The following NOP58 variants were observed in gnomAD, a reference collection of about 807,000 sequenced individuals.
NOP58 encodes nucleolar protein 58.
Under a neutral mutation model 71.2 loss-of-function variants are expected in NOP58, and 44 were observed. The observed-to-expected ratio is 0.62, with a 90% CI of 0.49 to 0.79. The LOEUF (loss-of-function observed/expected upper bound fraction) is 0.79, where lower values mean the gene tolerates loss of function less well. Among genes scored for constraint, NOP58 ranks in the 30% least tolerant of loss-of-function variants. The probability of loss-of-function intolerance (pLI) is 0.00; values close to 1 mark genes in which losing one functional copy is unlikely to be tolerated. For synonymous variants in NOP58, 228 were observed against 200.3 expected (o/e 1.14, Z -1.17); for missense variants, 538 against 620.2 (o/e 0.87, Z 1.41).
chr2:202,297,936 A>G, intron 12 of NOP58, 30 bp downstream of exon 12: 2 of 1,355,496 alleles, frequency 1.5e-6, no homozygotes, highest in Non-Finnish European at 2.0e-6. Context: ...GATGGGGTGA[A>G]TAGTTTTTTT....
At chr2:202,272,293 C>T (rs1036057357) in intron 1 of NOP58, among the ~76,000 whole-genome samples, 19 of 151,790 alleles carry the variant, frequency 1.3e-4, no homozygotes, top group African/African-American at 4.6e-4. Context: ...GCTGGAACTA[C>T]AGGCGCCTTC....
intron 13 of NOP58, among the ~76,000 whole-genome samples, chr2:202,301,823 T>A (rs1172930643): frequency 6.6e-6 from 1 of 152,194 alleles, no homozygotes; most frequent in African/African-American, 2.4e-5. Flanking sequence ...TGCCGACCAT[T>A]CTGCCTAAAA....
intron 3 of NOP58, among the ~76,000 whole-genome samples, chr2:202,280,159 C>A (rs1688676367): frequency 6.6e-6 from 1 of 152,130 alleles, no homozygotes; most frequent in East Asian, 1.9e-4. Context: ...AGAACCACAA[C>A]TAAATGGCTG....
chr2:202,297,463 G>A lies in NOP58; in HGVS notation c.1156G>A (p.Glu386Lys). 6.2e-7 allele frequency: 1 copy of A among 1,613,976 alleles called. No homozygotes were observed. Among genetic ancestry groups the A allele is most frequent in the Non-Finnish European group, 8.5e-7 (1 of 1,179,918 alleles). The part of the protein sequence containing the change: ...GEDSSSAMGV[E>K]NRAKLEARLR... The stretch of plus-strand genomic sequence containing the variant: ...GGATTCAAGTTCTGCAATGGGAGTT[G>A]AGAACAGAGCCAAATTAGAGGCCAG... The change falls in exon 11 of 15, where the codon GAG becomes AAG. Residue 386 changes from glutamate (E) to lysine (K), a missense_variant. By Grantham distance (56) the Glu-to-Lys change is moderately conservative. Transcript: ENST00000264279.
At chr2:202,276,361 C>G (rs1301746427) in intron 2 of NOP58, 1 of 282,684 alleles carries the variant, frequency 3.5e-6, no homozygotes, top group Non-Finnish European at 7.5e-6. Flanking sequence ...AAAAAGATGA[C>G]ACTGTTTTAG....
chr2:202,294,983 A>G (rs1351725648), intron 9 of NOP58, among the ~76,000 whole-genome samples: 1 of 151,704 alleles, frequency 6.6e-6, no homozygotes, highest in Non-Finnish European at 1.5e-5. Flanking sequence ...AAAAAAATGC[A>G]AGCATAACTA....
intron 4 of NOP58, among the ~76,000 whole-genome samples, chr2:202,283,281 G>A (rs1304201074): frequency 6.6e-6 from 1 of 151,946 alleles, no homozygotes; most frequent in Non-Finnish European, 1.5e-5. Flanking sequence ...CCTGGCTAGA[G>A]TGCAGTGGCA....
intron 3 of NOP58, chr2:202,278,302 A>G (rs1688640561): frequency 1.9e-6 from 1 of 521,994 alleles, no homozygotes; most frequent in African/African-American, 1.9e-5. Context: ...AGCACAATTC[A>G]GTAAAAGGTG....
chr2:202,297,810 A>G, intron 11 of NOP58, 35 bp from the exon 12 acceptor site: 1 of 1,217,198 alleles, frequency 8.2e-7, no homozygotes, highest in Non-Finnish European at 1.2e-6. Context: ...ATTATGACTT[A>G]GAAGTGTATT....
At chr2:202,275,261 G>T in intron 2 of NOP58, 72 bp downstream of exon 2, 1 of 761,536 alleles carries the variant, frequency 1.3e-6, no homozygotes. Flanking sequence ...ATTTTTCCCT[G>T]ATTTATATAA....
chr2:202,303,012 A>G lies in NOP58; in HGVS notation c.1494A>G (p.Glu498=). The change falls in exon 14 of 15, where the codon GAA becomes GAG. Residue 498 remains glutamate (E), a synonymous_variant. Coordinates refer to ENST00000264279, the MANE Select transcript of NOP58 (RefSeq NM_015934.5). ...KKRGKKKHIK[E]EPLSEEEPCT... ...GGGGTAAAAAGAAACACATTAAGGA[A>G]GAACCACTTTCTGAGGAAGAACCAT... 6.2e-7 allele frequency: 1 copy of G among 1,612,916 alleles called. No homozygotes were observed. Among genetic ancestry groups the G allele is most frequent in the Non-Finnish European group, 8.5e-7 (1 of 1,179,894 alleles).
chr2:202,281,588 T>G (rs1293214787), intron 3 of NOP58, among the ~76,000 whole-genome samples: 3 of 152,122 alleles, frequency 2.0e-5, no homozygotes, highest in Non-Finnish European at 4.4e-5. Context: ...TACAGGCACA[T>G]GCCACCACAC....
At chr2:202,274,223 GT>G (rs1261274573) in intron 1 of NOP58, among the ~76,000 whole-genome samples, 4 of 151,484 alleles carry the variant, frequency 2.6e-5, no homozygotes, top group African/African-American at 7.3e-5. Flanking sequence ...AGTTTTTTTT[GT>G]TTTTTGTTTT....
intron 10 of NOP58, among the ~76,000 whole-genome samples, chr2:202,296,361 G>A (rs966836215): frequency 1.8e-4 from 27 of 151,900 alleles, no homozygotes; most frequent in Admixed American, 1.3e-3. Flanking sequence ...GTGCCACCAC[G>A]CCCGGCTAAT....
intron 1 of NOP58, among the ~76,000 whole-genome samples, chr2:202,273,007 G>A (rs557093418): frequency 5.3e-5 from 8 of 152,236 alleles, no homozygotes; most frequent in African/African-American, 1.4e-4. Context: ...GGTGGCAGGC[G>A]CCTGTAGTCC....
intron 2 of NOP58, 76 bp downstream of exon 2, chr2:202,275,265 T>C: frequency 1.4e-6 from 1 of 735,376 alleles, no homozygotes; most frequent in Non-Finnish European, 2.3e-6. Context: ...TTCCCTGATT[T>C]ATATAATGTT....
chr2:202,301,693 A>G (rs1318284425), intron 13 of NOP58, among the ~76,000 whole-genome samples: 1 of 151,950 alleles, frequency 6.6e-6, no homozygotes, highest in Non-Finnish European at 1.5e-5. Flanking sequence ...CTATCCATCC[A>G]CTTATCCCAT....
intron 5 of NOP58, 128 bp downstream of exon 5, chr2:202,284,609 T>TA: frequency 1.1e-6 from 1 of 892,794 alleles, no homozygotes; most frequent in Non-Finnish European, 1.7e-6. Context: ...ATGATAGTAA[T>TA]ATCCTCATTT....
At chr2:202,277,205 T>C (rs1018179546) in intron 2 of NOP58, among the ~76,000 whole-genome samples, 21 of 151,800 alleles carry the variant, frequency 1.4e-4, no homozygotes, top group Non-Finnish European at 2.2e-4. Flanking sequence ...GAGAATGGCA[T>C]GAGGCAGGAG....
Sources: allele counts gnomAD v4.1 joint callset (sites outside exome capture counted in the v4.1 genomes callset), GRCh38; gene constraint gnomAD v4.1.1; transcripts MANE v1.5; gene names NCBI Gene and HGNC (gene_info 2026-07-23, HGNC 2026-07-21).